Variants in ADAMTS12 observed in about 807,000 individuals in gnomAD.
The protein encoded by ADAMTS12 is A disintegrin and metalloproteinase with thrombospondin motifs 12.
A neutral mutation model predicts 167.8 loss-of-function variants in ADAMTS12; 118 were observed. The observed-to-expected ratio is 0.70, with a 90% CI of 0.61 to 0.82. The LOEUF (loss-of-function observed/expected upper bound fraction) is 0.82. Among genes scored for constraint, ADAMTS12 ranks in the 40% least tolerant of loss-of-function variants. The probability of loss-of-function intolerance (pLI) is 0.00; values close to 1 mark genes in which losing one functional copy is unlikely to be tolerated. For synonymous variants in ADAMTS12, 704 were observed against 716.9 expected, an observed-to-expected ratio of 0.98 and a Z score of 0.29; for missense variants, 1,916 against 1,998.8, an observed-to-expected ratio of 0.96 and a Z score of 0.79.
intron 16 of ADAMTS12, among the ~76,000 whole-genome samples, chr5:33,613,481 G>C (rs1368433513): frequency 7.2e-5 from 11 of 152,134 alleles, no homozygotes; most frequent in Admixed American, 7.2e-4. Flanking sequence ...AACGAGATGT[G>C]AGTGGAAGTG....
intron 22 of ADAMTS12, among the ~76,000 whole-genome samples, chr5:33,535,629 C>G (rs757413621): frequency 3.3e-5 from 5 of 152,182 alleles, no homozygotes; most frequent in Non-Finnish European, 7.3e-5. Flanking sequence ...AAACATTCAT[C>G]TTTGCATCAT....
intron 6 of ADAMTS12, among the ~76,000 whole-genome samples, chr5:33,658,976 T>C (rs564376342): frequency 6.6e-6 from 1 of 152,288 alleles, no homozygotes; most frequent in South Asian, 2.1e-4. Context: ...ATTATTTCAA[T>C]CACGGACAAG....
chr5:33,886,218 T>G (rs747182748), intron 1 of ADAMTS12, among the ~76,000 whole-genome samples: 27 of 152,230 alleles, frequency 1.8e-4, no homozygotes, highest in Non-Finnish European at 3.5e-4. Flanking sequence ...TTTATAAATT[T>G]TGACCCAGTT....
intron 2 of ADAMTS12, among the ~76,000 whole-genome samples, chr5:33,793,289 C>T (rs1304946846): frequency 6.6e-6 from 1 of 152,204 alleles, no homozygotes; most frequent in Admixed American, 6.5e-5. Context: ...AGGCTGAACA[C>T]TTAAAATCAT....
chr5:33,864,140 T>C (rs562727668), intron 2 of ADAMTS12, among the ~76,000 whole-genome samples: 1 of 151,580 alleles, frequency 6.6e-6, no homozygotes, highest in East Asian at 1.9e-4. Flanking sequence ...AGGACAAATT[T>C]ACAAGAAAAA....
At chr5:33,715,952 G>A (rs1240705046) in intron 3 of ADAMTS12, among the ~76,000 whole-genome samples, 1 of 152,018 alleles carries the variant, frequency 6.6e-6, no homozygotes, top group Non-Finnish European at 1.5e-5. Context: ...GTTAATAAGG[G>A]CCCAGGCATT....
At chr5:33,887,827 C>T (rs1443062914) in intron 1 of ADAMTS12, among the ~76,000 whole-genome samples, 2 of 152,010 alleles carry the variant, frequency 1.3e-5, no homozygotes, top group South Asian at 2.1e-4. Flanking sequence ...CCACTGCAAC[C>T]TCTGCCTCCA....
At chr5:33,768,026 C>T (rs1745601740) in intron 2 of ADAMTS12, among the ~76,000 whole-genome samples, 1 of 152,096 alleles carries the variant, frequency 6.6e-6, no homozygotes, top group Non-Finnish European at 1.5e-5. Flanking sequence ...TTAGAACTGG[C>T]ACATATTTTT....
chr5:33,880,946 C>A, intron 2 of ADAMTS12, 173 bp downstream of exon 2: 1 of 919,000 alleles, frequency 1.1e-6, no homozygotes, highest in Non-Finnish European at 1.6e-6. Flanking sequence ...TCAAGTCGAT[C>A]TCTTTTATTT....
chr5:33,604,300 G>C (rs529679557), intron 16 of ADAMTS12, among the ~76,000 whole-genome samples: 1 of 152,060 alleles, frequency 6.6e-6, no homozygotes, highest in Admixed American at 6.6e-5. Flanking sequence ...TCAGGAGTTC[G>C]AGACCAGCCT....
intron 3 of ADAMTS12, among the ~76,000 whole-genome samples, chr5:33,687,850 G>A (rs1363861663): frequency 6.6e-6 from 1 of 152,174 alleles, no homozygotes; most frequent in Non-Finnish European, 1.5e-5. Context: ...TAAAGCTGAT[G>A]ACAAAGACAG....
intron 2 of ADAMTS12, among the ~76,000 whole-genome samples, chr5:33,797,236 G>A (rs1038577867): frequency 9.9e-5 from 15 of 152,142 alleles, no homozygotes; most frequent in Non-Finnish European, 2.9e-5. Context: ...GACCTTGAGT[G>A]GTCAAGGGTC....
At chr5:33,574,074 A>G (rs1746536435) in intron 19 of ADAMTS12, among the ~76,000 whole-genome samples, 1 of 151,746 alleles carries the variant, frequency 6.6e-6, no homozygotes, top group Non-Finnish European at 1.5e-5. Flanking sequence ...TTAGAATGGC[A>G]ATCATTAAAA....
chr5:33,580,423 C>T (rs185037623), intron 18 of ADAMTS12, among the ~76,000 whole-genome samples: 3 of 151,658 alleles, frequency 2.0e-5, no homozygotes, highest in Admixed American at 6.6e-5. Flanking sequence ...AAGAACAGCA[C>T]GGGGGAACAG....
At chr5:33,802,276 C>A (rs1413627533) in intron 2 of ADAMTS12, among the ~76,000 whole-genome samples, 7 of 152,214 alleles carry the variant, frequency 4.6e-5, no homozygotes, top group Non-Finnish European at 1.0e-4. Context: ...ACTAATCAAA[C>A]AGCATTATCT....
intron 3 of ADAMTS12, among the ~76,000 whole-genome samples, chr5:33,722,838 C>G (rs191260331): frequency 1.1e-3 from 170 of 152,252 alleles, no homozygotes; most frequent in African/African-American, 4.0e-3. Context: ...CAGGCAGTGA[C>G]CACTGTAGTC....
intron 3 of ADAMTS12, among the ~76,000 whole-genome samples, chr5:33,735,219 T>G (rs1324231135): frequency 1.3e-5 from 2 of 152,200 alleles, no homozygotes; most frequent in African/African-American, 4.8e-5. Context: ...CTCTCCAAAG[T>G]TAAAATGCAG....
intron 5 of ADAMTS12, among the ~76,000 whole-genome samples, chr5:33,668,657 A>G (rs1741560196): frequency 2.6e-5 from 4 of 152,002 alleles, no homozygotes; most frequent in African/African-American, 7.2e-5. Context: ...TACTTTTTCT[A>G]TTTTTCGGTA....
At chr5:33,609,377 T>TC (rs1474727815) in intron 16 of ADAMTS12, among the ~76,000 whole-genome samples, 1 of 151,420 alleles carries the variant, frequency 6.6e-6, no homozygotes, top group African/African-American at 2.4e-5. Context: ...ACTTTTTTTT[T>TC]TTTTTTTTTT....
Sources: allele counts gnomAD v4.1 joint callset (sites outside exome capture counted in the v4.1 genomes callset), GRCh38; gene constraint gnomAD v4.1.1; transcripts MANE v1.5; gene names NCBI Gene and HGNC (gene_info 2026-07-23, HGNC 2026-07-21).